C3orf52: variants seen among roughly 807,000 people sequenced by gnomAD.
C3orf52 encodes TPA-induced transmembrane protein.
C3orf52 carries 22 observed loss-of-function variants against 24.8 expected under a neutral mutation model. The ratio of observed to expected loss-of-function variants is 0.89; its 90% CI spans 0.63 to 1.27. The LOEUF (loss-of-function observed/expected upper bound fraction) is 1.27. Ranked by LOEUF, C3orf52 falls within the 50% of genes most tolerant of loss-of-function variation. C3orf52 has a pLI of 0.00. For synonymous variants in C3orf52, 93 were observed against 100.2 expected (o/e 0.93, Z 0.43); for missense variants, 265 against 260.7 (o/e 1.02, Z -0.11).
At chr3:112,124,270 A>G (rs762980509) in intron 4 of C3orf52, among the ~76,000 whole-genome samples, 2 of 152,202 alleles carry the variant, frequency 1.3e-5, no homozygotes, top group African/African-American at 4.8e-5. Context: ...CACTACCCAT[A>G]TAATTCCCAG....
chr3:112,110,163 C>G (rs1464202794), intron 4 of C3orf52, among the ~76,000 whole-genome samples: 1 of 151,952 alleles, frequency 6.6e-6, no homozygotes, highest in Admixed American at 6.6e-5. Context: ...AACCCTGTCT[C>G]AACTAAAAAT....
At chr3:112,122,328 G>C (rs972272259), downstream of C3orf52, 3 of 152,184 alleles carry the variant, frequency 2.0e-5, no homozygotes, top group Admixed American at 2.0e-4. Context: ...ATCATAGATA[G>C]TAGGTAAACA....
intron 5 of C3orf52, among the ~76,000 whole-genome samples, chr3:112,114,373 A>G (rs1207245889): frequency 6.7e-6 from 1 of 148,414 alleles, no homozygotes; most frequent in Non-Finnish European, 1.5e-5. Flanking sequence ...ATGTGTGTGG[A>G]GTGAAGAGAT....
downstream of C3orf52, chr3:112,132,913 A>T: frequency 1.7e-6 from 1 of 597,202 alleles, no homozygotes; most frequent in South Asian, 2.6e-5. Flanking sequence ...GGCAAAACCT[A>T]TGGGAAATTT....
chr3:112,086,414 C>T lies in C3orf52; in HGVS notation c.7C>T (p.Leu3=), dbSNP rs1296805333. ...AGACTTTCCCTGCCGGCACATGGAC[C>T]TGGCCCAACCCTCACAGCCAGTAGA... MD[L]AQPSQPVDEL... The change falls in exon 1 of 6, where the codon CTG becomes TTG. Residue 3 remains leucine, a synonymous_variant. Coordinates refer to ENST00000264848, the MANE Select transcript of C3orf52 (RefSeq NM_024616.3). 1.9e-6 allele frequency: 3 copies of T among 1,548,254 alleles called. No individual in the cohort carries two copies. Among genetic ancestry groups the T allele is most frequent in the Non-Finnish European group, 2.6e-6 (3 of 1,145,008 alleles).
At chr3:112,110,021 T>C (rs2074063478) in intron 4 of C3orf52, among the ~76,000 whole-genome samples, 3 of 152,208 alleles carry the variant, frequency 2.0e-5, no homozygotes, top group African/African-American at 7.2e-5. Context: ...TACATTCTCC[T>C]TGTTTAGTAT....
intron 1 of C3orf52, among the ~76,000 whole-genome samples, chr3:112,092,145 A>G (rs1411544813): frequency 9.9e-5 from 15 of 152,112 alleles, no homozygotes; most frequent in Admixed American, 9.8e-4. Flanking sequence ...GCGCAGTTGC[A>G]CCCTTTGGCC....
rs1483244323 is a variant in C3orf52, at chr3:112,109,488, G to A, written c.397-55G>A. 7 of 1,148,604 alleles carry A rather than the reference G, an allele frequency of 6.1e-6. No individual in the cohort carries two copies. The East Asian group carries it at 1.7e-4, about 28-fold the overall frequency. The allele number at this position is 1,148,604 out of a possible 1,614,324, so 71.2% of individuals were successfully genotyped here. A position where few individuals can be genotyped will look rare whatever the true frequency, so the allele number is the denominator to read the frequency against. ...AAGCAGTTTTGCTTTGTCAGGTGATGTGTAATATGATCTGTCGGTAATGTG... is the reference window on the plus strand; with the variant it reads ...AAGCAGTTTTGCTTTGTCAGGTGATATGTAATATGATCTGTCGGTAATGTG... On this transcript the variant is annotated intron_variant, in intron 3 of 5. Transcript: ENST00000264848.
intron 4 of C3orf52, 58 bp from the exon 5 acceptor site, chr3:112,112,906 A>G (rs775790081): frequency 4.3e-6 from 6 of 1,384,384 alleles, no homozygotes; most frequent in African/African-American, 4.3e-5. Context: ...GCTTAAATTC[A>G]TTTCTTGAGT....
intron 2 of C3orf52, among the ~76,000 whole-genome samples, chr3:112,097,939 A>G (rs968976975): frequency 2.0e-5 from 3 of 152,184 alleles, no homozygotes; most frequent in Admixed American, 1.3e-4. Flanking sequence ...AGTTATTTAT[A>G]TCTTACTGCT....
At chr3:112,093,569 G>A (rs1042443401) in intron 2 of C3orf52, 80 bp downstream of exon 2, 7 of 1,320,772 alleles carry the variant, frequency 5.3e-6, no homozygotes, top group Admixed American at 3.9e-5. Context: ...AATGGAAGAT[G>A]TACTCATAGC....
downstream of C3orf52, among the ~76,000 whole-genome samples, chr3:112,118,476 C>G (rs2074158791): frequency 1.3e-5 from 2 of 152,192 alleles, no homozygotes; most frequent in Non-Finnish European, 2.9e-5. Context: ...GAAGGAACAG[C>G]CTGTTCATGT....
chr3:112,093,453 A>T lies in C3orf52; in HGVS notation c.232A>T (p.Ile78Phe). Reference protein sequence around the residue: ...MIITSIFLGVITVIIIGLCLA... With the variant: ...MIITSIFLGVFTVIIIGLCLA... The stretch of plus-strand genomic sequence containing the variant: ...CATCACCTCCATTTTCCTAGGTGTC[A>T]TTACAGTGATCATCATAGGCTTATG... Residue 78 changes from isoleucine to phenylalanine, a missense_variant, in exon 2 of 6, where the codon ATT becomes TTT. Coordinates refer to ENST00000264848, the MANE Select transcript of C3orf52 (RefSeq NM_024616.3). 1 of 1,613,932 alleles carries T rather than the reference A, an allele frequency of 6.2e-7. No individual in the cohort carries two copies. The highest frequency in any genetic ancestry group is 8.5e-7 in the Non-Finnish European group (1 of 1,179,824).
intron 4 of C3orf52, chr3:112,111,710 A>AC (rs1374408698): frequency 7.9e-5 from 12 of 152,334 alleles, no homozygotes; most frequent in African/African-American, 2.6e-4. Context: ...CTGGCTGTGT[A>AC]GGTGTTGATC....
chr3:112,103,008 G>A, intron 3 of C3orf52, 43 bp downstream of exon 3: 1 of 1,591,704 alleles, frequency 6.3e-7, no homozygotes, highest in Non-Finnish European at 8.6e-7. Context: ...CTTGACATTA[G>A]AATATGAATT....
At chr3:112,104,608 T>A (rs542323362) in intron 3 of C3orf52, among the ~76,000 whole-genome samples, 2 of 152,096 alleles carry the variant, frequency 1.3e-5, no homozygotes, top group Non-Finnish European at 2.9e-5. Flanking sequence ...ATCTTTAAAT[T>A]TTTTTTAGAT....
In C3orf52 at chr3:112,116,886, T is replaced by G; in HGVS notation, c.*240T>G. The G allele has an allele frequency of 6.5e-7, 1 of 1,537,096 alleles. No individual in the cohort carries two copies. ...GACAAAGGCAGGAAGCCAGCTAGGGTGGGGGCGATAGGGTCAGCGGGTATG... is the reference window on the plus strand; with the variant it reads ...GACAAAGGCAGGAAGCCAGCTAGGGGGGGGGCGATAGGGTCAGCGGGTATG... On this transcript the variant is annotated 3_prime_UTR_variant, in exon 6 of 6. Transcript: ENST00000264848.
chr3:112,123,989 T>G (rs922982630), intron 4 of C3orf52, among the ~76,000 whole-genome samples: 1 of 152,210 alleles, frequency 6.6e-6, no homozygotes, highest in African/African-American at 2.4e-5. Context: ...GTGCATCCTC[T>G]GCCCCTTGTT....
chr3:112,092,979 C>G (rs2073893151), intron 1 of C3orf52, among the ~76,000 whole-genome samples: 1 of 152,180 alleles, frequency 6.6e-6, no homozygotes, highest in South Asian at 2.1e-4. Flanking sequence ...TGCTCCCAGC[C>G]TTTCACTCTC....
Sources: allele counts gnomAD v4.1 joint callset (sites outside exome capture counted in the v4.1 genomes callset), GRCh38; gene constraint gnomAD v4.1.1; transcripts MANE v1.5; gene names NCBI Gene and HGNC (gene_info 2026-07-23, HGNC 2026-07-21).